NFATC3: variants seen among roughly 807,000 people sequenced by gnomAD.
NFATC3 encodes the protein nuclear factor of activated T-cells, cytoplasmic 3.
In NFATC3, 46 loss-of-function variants were observed where a neutral mutation model predicts 98.6. The ratio of observed to expected loss-of-function variants is 0.47; its 90% CI spans 0.37 to 0.60. The LOEUF (loss-of-function observed/expected upper bound fraction) is 0.60. NFATC3 is among the 20% of genes least tolerant of loss of function. The probability of loss-of-function intolerance (pLI) is 0.00; values close to 1 mark genes in which losing one functional copy is unlikely to be tolerated. For synonymous variants in NFATC3, 512 were observed against 472.2 expected, an observed-to-expected ratio of 1.08 and a Z score of -1.09; for missense variants, 1,256 against 1,295.5, an observed-to-expected ratio of 0.97 and a Z score of 0.47.
At chr16:68,173,744 A>G (rs2039571549) in intron 5 of NFATC3, among the ~76,000 whole-genome samples, 1 of 152,254 alleles carries the variant, frequency 6.6e-6, no homozygotes, top group Non-Finnish European at 1.5e-5. Context: ...CATAGAAGAA[A>G]CATATTAAAC....
chr16:68,118,283 A>G (rs982613499), intron 1 of NFATC3, among the ~76,000 whole-genome samples: 8 of 152,046 alleles, frequency 5.3e-5, no homozygotes, highest in Admixed American at 1.3e-4. Context: ...CTCTTCTACC[A>G]CTTAGTAGCA....
Position 68,221,311 on chromosome 16 carries a change from G to A in NFATC3, c.3107-5039G>A, listed in dbSNP as rs376032951. ...TGAGAGCCTGAACCCAGAGCCCCCA[G>A]CCCGAGGGAGAAGTGAGGGAGAAGG... On this transcript the variant is annotated intron_variant, in intron 9 of 9. Coordinates refer to ENST00000346183, the MANE Select transcript of NFATC3 (RefSeq NM_173165.3). 1.9e-6 allele frequency: 3 copies of A among 1,611,650 alleles called. No homozygotes were observed. In the African/African-American group the frequency reaches 4.0e-5, roughly 22 times the overall value.
chr16:68,163,881 G>A (rs2039043642), intron 4 of NFATC3, among the ~76,000 whole-genome samples: 1 of 151,052 alleles, frequency 6.6e-6, no homozygotes, highest in African/African-American at 2.4e-5. Flanking sequence ...TCCTAGATGG[G>A]ATGGCGGCCG....
intron 9 of NFATC3, among the ~76,000 whole-genome samples, chr16:68,198,584 T>C (rs150770574): frequency 6.6e-6 from 1 of 152,264 alleles, no homozygotes; most frequent in African/African-American, 2.4e-5. Context: ...CATAGAGCCT[T>C]GATTGTGAGA....
chr16:68,097,102 A>G (rs1212500174), intron 1 of NFATC3, among the ~76,000 whole-genome samples: 1 of 152,218 alleles, frequency 6.6e-6, no homozygotes, highest in East Asian at 1.9e-4. Context: ...CCTGGTATCC[A>G]TTGAGTAAGG....
rs776856397 is a variant in NFATC3 at position 68,085,635 on chromosome 16, C to T, written c.-47C>T. ...GAGCTGCTGCCGCCGCTTGCCGCTG[C>T]CGCCGCCGCCGCCTGAGGAGGAGCT... is the stretch of plus-strand genomic sequence containing the variant. On this transcript the variant is annotated 5_prime_UTR_variant, in exon 1 of 10. Transcript: ENST00000346183. 2.9e-6 allele frequency: 4 copies of T among 1,374,794 alleles called. No individual in the cohort carries two copies. The highest frequency in any genetic ancestry group is 2.7e-5 in the Admixed American group (1 of 37,068). 85.2% of individuals were successfully genotyped at this position (1,374,794 alleles called of 1,614,324 possible).
intron 9 of NFATC3, among the ~76,000 whole-genome samples, chr16:68,194,198 T>C (rs1455570978): frequency 6.6e-6 from 1 of 152,206 alleles, no homozygotes; most frequent in Non-Finnish European, 1.5e-5. Flanking sequence ...CTTTTTCTTG[T>C]GGCACTACAG....
intron 9 of NFATC3, chr16:68,192,131 C>T (rs2040433495): frequency 6.4e-6 from 1 of 157,468 alleles, no homozygotes; most frequent in African/African-American, 2.6e-5. Flanking sequence ...TCACTTGAAC[C>T]CGGGAGGTGG....
chr16:68,189,081 A>G (rs1391428235), intron 8 of NFATC3, among the ~76,000 whole-genome samples: 2 of 152,124 alleles, frequency 1.3e-5, no homozygotes, highest in African/African-American at 4.8e-5. Context: ...TCTTTCCCCC[A>G]TTGAATGGTT....
chr16:68,202,445 G>A (rs1413685401), intron 9 of NFATC3, among the ~76,000 whole-genome samples: 2 of 152,192 alleles, frequency 1.3e-5, no homozygotes, highest in Non-Finnish European at 2.9e-5. Flanking sequence ...TATGGAGGAG[G>A]AACAGAGAGG....
rs538885394 is a variant in NFATC3, at chr16:68,163,438, C to T, written c.1602-3405C>T. Among the ~76,000 whole-genome samples, 1,106 of 150,102 alleles carry T rather than the reference C, an allele frequency of 7.4e-3. 18 individuals are homozygous for T. Among genetic ancestry groups the T allele is most frequent in the African/African-American group, 0.027 (1,067 of 39,960 alleles). On this transcript the variant is annotated intron_variant, in intron 4 of 9. Coordinates refer to ENST00000346183, the MANE Select transcript of NFATC3 (RefSeq NM_173165.3). ...GGGGCTTCTCACTTCCCAGTAGGGG[C>T]GGCCGGGCAGAGGCGCCCCTCACCT...
chr16:68,104,756 G>A (rs1458637593), intron 1 of NFATC3, among the ~76,000 whole-genome samples: 5 of 149,732 alleles, frequency 3.3e-5, no homozygotes, highest in Admixed American at 6.7e-5. Context: ...GGTTCATCAC[G>A]CCATTCTCCT....
intron 9 of NFATC3, among the ~76,000 whole-genome samples, chr16:68,210,080 G>C (rs1020794734): frequency 6.6e-6 from 1 of 152,024 alleles, no homozygotes; most frequent in African/African-American, 2.4e-5. Flanking sequence ...GGCGGATCAC[G>C]AGGTCGGGAC....
intron 5 of NFATC3, among the ~76,000 whole-genome samples, chr16:68,169,306 T>C (rs953508496): frequency 6.6e-6 from 1 of 152,082 alleles, no homozygotes; most frequent in African/African-American, 2.4e-5. Flanking sequence ...TCTCACTCTT[T>C]TGCCCAGGCT....
intron 1 of NFATC3, chr16:68,086,596 A>G: frequency 1.0e-6 from 1 of 974,104 alleles, no homozygotes; most frequent in Non-Finnish European, 1.2e-6. Context: ...CCTGGTTTGG[A>G]ATACTGTGGT....
chr16:68,173,622 CTAG>C (rs1338207474), intron 5 of NFATC3, among the ~76,000 whole-genome samples: 1 of 152,106 alleles, frequency 6.6e-6, no homozygotes, highest in East Asian at 1.9e-4. Context: ...TGGTGTTTGT[CTAG>C]TAGTAGTTTC....
chr16:68,167,188 T>A (rs969181294), intron 5 of NFATC3, among the ~76,000 whole-genome samples, 173 bp downstream of exon 5: 1 of 152,214 alleles, frequency 6.6e-6, no homozygotes, highest in African/African-American at 2.4e-5. Context: ...AGAGTACTGA[T>A]CTTGGAATTA....
intron 6 of NFATC3, 125 bp from the exon 7 acceptor site, chr16:68,181,350 A>G (rs2039941958): frequency 4.4e-6 from 3 of 683,504 alleles, no homozygotes; most frequent in Middle Eastern, 7.5e-4. Flanking sequence ...TTATTTTCAT[A>G]ATGGAAGTCA....
At position 68,093,806 on chromosome 16, in the gene NFATC3, C is replaced by G. The variant is rs1024766587; in HGVS notation, c.103+8022C>G. Among the ~76,000 whole-genome samples, 3 of 152,290 alleles carry G rather than the reference C, an allele frequency of 2.0e-5. No homozygotes were observed. In the East Asian group the frequency reaches 5.8e-4, roughly 29 times the overall value. ...TCTGACCTCAAATTTTGGGCCCTTT[C>G]TGCTATGCCTGCCTCTTGCCTTGCT... is the stretch of plus-strand genomic sequence containing the variant. On this transcript the variant is annotated intron_variant, in intron 1 of 9. Transcript: ENST00000346183.
Sources: gnomAD v4.1 joint callset for allele counts (sites outside exome capture counted in the v4.1 genomes callset) on GRCh38, gnomAD v4.1.1 for gene constraint, MANE v1.5 for transcripts, NCBI Gene and HGNC (gene_info 2026-07-23, HGNC 2026-07-21) for gene names.